Variants in ADK observed in about 807,000 individuals in gnomAD.
ADK encodes adenosine kinase.
Under a neutral mutation model 44.7 loss-of-function variants are expected in ADK, and 24 were observed. The observed-to-expected ratio is 0.54, with a 90% confidence interval of 0.39 to 0.76. ADK has a LOEUF of 0.76. Ranked by LOEUF, ADK falls within the 30% of genes least tolerant of loss-of-function variation. ADK has a pLI of 0.00. For missense variants in ADK, 321 were observed against 425.1 expected (o/e 0.76, Z 2.15); for synonymous variants, 128 against 142.6 (o/e 0.90, Z 0.73).
In ADK at chr10:74,301,639, C is replaced by A. The variant is rs983453357; in HGVS notation, c.195-13028C>A. On this transcript the variant is annotated intron_variant, in intron 3 of 10. Coordinates refer to ENST00000539909, the MANE Select transcript of ADK (RefSeq NM_006721.4). ...AAAAAATTTTATTGTTATTAATATT[C>A]CTAAATTTGTCAGTAAAAGTTTTTT... Among the ~76,000 whole-genome samples, 4 of 151,370 alleles carry A rather than the reference C, an allele frequency of 2.6e-5. No homozygotes were observed. In the East Asian group the frequency reaches 7.7e-4, roughly 29 times the overall value.
chr10:74,690,298 C>T (rs1039075806), intron 10 of ADK, among the ~76,000 whole-genome samples: 7 of 152,152 alleles, frequency 4.6e-5, no homozygotes, highest in African/African-American at 1.7e-4. Context: ...AGTTTGTTAC[C>T]AGCCTGGGAA....
chr10:74,552,284 C>G (rs1031968552), intron 7 of ADK, among the ~76,000 whole-genome samples: 12 of 151,362 alleles, frequency 7.9e-5, no homozygotes, highest in African/African-American at 2.7e-4. Context: ...ATAAACCTAA[C>G]CAAAAAAAAA....
intron 3 of ADK, among the ~76,000 whole-genome samples, chr10:74,225,197 C>T (rs940846848): frequency 2.0e-5 from 3 of 152,206 alleles, no homozygotes; most frequent in Non-Finnish European, 2.9e-5. Flanking sequence ...CCTGCCTTAG[C>T]CTCCCAGGTA....
intron 6 of ADK, among the ~76,000 whole-genome samples, chr10:74,435,003 A>C (rs1235937522): frequency 1.3e-5 from 2 of 152,216 alleles, no homozygotes; most frequent in East Asian, 1.9e-4. Flanking sequence ...CTAGAGGATA[A>C]AAAATAACTT....
chr10:74,402,935 G>A (rs1843771300), intron 6 of ADK, among the ~76,000 whole-genome samples: 1 of 152,200 alleles, frequency 6.6e-6, no homozygotes, highest in East Asian at 1.9e-4. Context: ...TTTTGGTGTG[G>A]ATGTCCTTTC....
intron 3 of ADK, among the ~76,000 whole-genome samples, chr10:74,268,969 T>C (rs1158549243): frequency 1.3e-5 from 2 of 152,208 alleles, no homozygotes; most frequent in African/African-American, 4.8e-5. Flanking sequence ...GTTTGAAGAA[T>C]AAAAGGAAGT....
At position 74,607,763 on chromosome 10, in the gene ADK, T is replaced by TG. The variant is rs565725097; in HGVS notation, c.877+7270_877+7271insG. Among the ~76,000 whole-genome samples the TG allele has an allele frequency of 2.1e-3, 320 of 152,030 alleles. 1 individual carries two copies. Among genetic ancestry groups the TG allele is most frequent in the Middle Eastern group, 6.9e-3 (2 of 290 alleles). On this transcript the variant is annotated intron_variant, in intron 9 of 10. Transcript: ENST00000539909. ...TGTGGTGTTCTCTGTATTTCCTGAA[T>TG]TTGAATGTTGGCCTGTCTTGCTAGA...
intron 6 of ADK, among the ~76,000 whole-genome samples, chr10:74,406,016 C>CT (rs1843909782): frequency 6.6e-6 from 1 of 152,198 alleles, no homozygotes. Flanking sequence ...TTCCCAGACT[C>CT]TCAGTTGTAT....
chr10:74,272,558 A>C (rs1242907329), intron 3 of ADK, among the ~76,000 whole-genome samples: 1 of 152,198 alleles, frequency 6.6e-6, no homozygotes, highest in Non-Finnish European at 1.5e-5. Flanking sequence ...TACAGGCATG[A>C]GCCACCACAG....
At chr10:74,312,364 G>A (rs949342205) in intron 3 of ADK, among the ~76,000 whole-genome samples, 2 of 151,526 alleles carry the variant, frequency 1.3e-5, no homozygotes, top group Non-Finnish European at 2.9e-5. Flanking sequence ...AAGATACTGG[G>A]GTTTCTAAGT....
At chr10:74,158,897 C>A (rs759723374) in intron 1 of ADK, among the ~76,000 whole-genome samples, 46 of 152,214 alleles carry the variant, frequency 3.0e-4, no homozygotes, top group Non-Finnish European at 5.6e-4. Context: ...TTAGGCTTTT[C>A]TTCCTCTCCA....
chr10:74,504,298 T>C (rs550997229), intron 6 of ADK, among the ~76,000 whole-genome samples: 107 of 152,198 alleles, frequency 7.0e-4, no homozygotes, highest in Middle Eastern at 3.4e-3. Flanking sequence ...CAGTATCCAC[T>C]TGGAATACAA....
At chr10:74,618,275 T>G (rs1485941286) in intron 9 of ADK, among the ~76,000 whole-genome samples, 1 of 152,082 alleles carries the variant, frequency 6.6e-6, no homozygotes, top group African/African-American at 2.4e-5. Flanking sequence ...GTTTTTGGAT[T>G]GATCAAGTAT....
chr10:74,470,721 C>T (rs905520360), intron 6 of ADK, among the ~76,000 whole-genome samples: 13 of 151,592 alleles, frequency 8.6e-5, no homozygotes, highest in African/African-American at 3.2e-4. Flanking sequence ...TAACTATTTT[C>T]TCTCACTTCA....
rs146076400 is a variant in ADK at position 74,496,238 on chromosome 10, C to T, written c.556-29018C>T. 2.2e-3 allele frequency among the ~76,000 whole-genome samples: 331 copies of T among 152,300 alleles called. 2 individuals are homozygous for T. Among genetic ancestry groups the T allele is most frequent in the African/African-American group, 7.5e-3 (313 of 41,580 alleles). ...CCTCCTGCCTCAGCCTTTCAAGTAA[C>T]TTGGACTACAGGCATGTGCCACTGC... On this transcript the variant is annotated intron_variant, in intron 6 of 10. Coordinates refer to ENST00000539909, the MANE Select transcript of ADK (RefSeq NM_006721.4).
At chr10:74,394,068 A>G in intron 4 of ADK, 73 bp from the exon 5 acceptor site, 1 of 1,429,422 alleles carries the variant, frequency 7.0e-7, no homozygotes, top group Non-Finnish European at 9.9e-7. Context: ...TCACATCACT[A>G]TCTGTGGCAG....
chr10:74,185,910 C>G lies in ADK; in HGVS notation c.66-14854C>G, dbSNP rs182738170. Among the ~76,000 whole-genome samples the G allele has an allele frequency of 3.8e-4, 58 of 151,518 alleles. 1 individual carries two copies. Among genetic ancestry groups the G allele is most frequent in the South Asian group, 1.5e-3 (7 of 4,778 alleles). ...TTGCCCAGGCTGGAGTGCAGCTGCC[C>G]GATCTCGGCTCACTGCAACCTACCT... On this transcript the variant is annotated intron_variant, in intron 1 of 10. Transcript: ENST00000539909.
intron 6 of ADK, among the ~76,000 whole-genome samples, chr10:74,409,464 C>T (rs1044782759): frequency 3.9e-5 from 6 of 152,128 alleles, no homozygotes; most frequent in Non-Finnish European, 8.8e-5. Flanking sequence ...AATAATAAGT[C>T]ATATCTTGTC....
At chr10:74,475,891 G>A (rs1011482036) in intron 6 of ADK, among the ~76,000 whole-genome samples, 12 of 152,078 alleles carry the variant, frequency 7.9e-5, no homozygotes, top group African/African-American at 1.7e-4. Flanking sequence ...CTGTTTTCTC[G>A]TAAGCTACTG....
Sources: allele counts gnomAD v4.1 joint callset (sites outside exome capture counted in the v4.1 genomes callset), GRCh38; gene constraint gnomAD v4.1.1; transcripts MANE v1.5; gene names NCBI Gene and HGNC (gene_info 2026-07-23, HGNC 2026-07-21).